Variants in GUCY2C observed in about 807,000 individuals in gnomAD.
GUCY2C encodes guanylyl cyclase C.
Under a neutral mutation model 131.1 loss-of-function variants are expected in GUCY2C, and 118 were observed. The observed-to-expected ratio is 0.90, with a 90% CI of 0.78 to 1.05. The LOEUF (loss-of-function observed/expected upper bound fraction) is 1.05. Among genes scored for constraint, GUCY2C ranks in the 50% least tolerant of loss-of-function variants. The probability of loss-of-function intolerance (pLI) is 0.00; values close to 1 mark genes in which losing one functional copy is unlikely to be tolerated. For synonymous variants in GUCY2C, 452 were observed against 457.8 expected (o/e 0.99, Z 0.16); for missense variants, 1,161 against 1,304.4 (o/e 0.89, Z 1.69).
intron 1 of GUCY2C, among the ~76,000 whole-genome samples, chr12:14,692,990 G>A (rs1948601107): frequency 6.6e-6 from 1 of 152,150 alleles, no homozygotes; most frequent in Non-Finnish European, 1.5e-5. Flanking sequence ...TGGGGGTAAT[G>A]TCTTCCCTTT....
chr12:14,658,446 G>C (rs1947802130), intron 11 of GUCY2C, among the ~76,000 whole-genome samples: 1 of 152,192 alleles, frequency 6.6e-6, no homozygotes, highest in African/African-American at 2.4e-5. Context: ...GGAGGCCAAG[G>C]TGGGTGGATC....
intron 15 of GUCY2C, among the ~76,000 whole-genome samples, chr12:14,646,379 G>A (rs1947523713): frequency 6.6e-6 from 1 of 152,160 alleles, no homozygotes; most frequent in African/African-American, 2.4e-5. Context: ...AAGGCTGGTT[G>A]GGCTGTGGGT....
At chr12:14,619,633 G>C (rs748885340) in intron 23 of GUCY2C, 2 of 255,688 alleles carry the variant, frequency 7.8e-6, no homozygotes, top group East Asian at 1.8e-4. Context: ...GAGCCCCACT[G>C]CTTGCTTACT....
chr12:14,637,811 T>C (rs1430948928), intron 19 of GUCY2C, among the ~76,000 whole-genome samples: 1 of 152,096 alleles, frequency 6.6e-6, no homozygotes, highest in Non-Finnish European at 1.5e-5. Context: ...AGGACATTGG[T>C]TTAGGCAAAG....
chr12:14,629,034 G>A (rs1325951397), intron 19 of GUCY2C, among the ~76,000 whole-genome samples: 1 of 152,074 alleles, frequency 6.6e-6, no homozygotes, highest in Non-Finnish European at 1.5e-5. Context: ...GTTTTACGTT[G>A]GAGAGAGAAA....
At chr12:14,692,637 C>T (rs11056100) in intron 1 of GUCY2C, among the ~76,000 whole-genome samples, 2 of 152,232 alleles carry the variant, frequency 1.3e-5, no homozygotes, top group South Asian at 4.1e-4. Context: ...CACCTGAGGT[C>T]AGGAGTTCGA....
intron 11 of GUCY2C, among the ~76,000 whole-genome samples, chr12:14,656,977 C>T (rs1019834060): frequency 3.3e-5 from 5 of 152,204 alleles, no homozygotes; most frequent in Admixed American, 1.3e-4. Context: ...CCCCTGCATG[C>T]GCAGTTCACA....
chr12:14,672,763 C>T, intron 9 of GUCY2C, 110 bp downstream of exon 9: 1 of 696,240 alleles, frequency 1.4e-6, no homozygotes, highest in Non-Finnish European at 2.6e-6. Context: ...GAACTGTCTT[C>T]AGATCCTAAA....
chr12:14,663,831 A>G (rs904890597), intron 10 of GUCY2C, among the ~76,000 whole-genome samples: 1 of 152,192 alleles, frequency 6.6e-6, no homozygotes, highest in African/African-American at 2.4e-5. Flanking sequence ...ATAATAGAAG[A>G]AAAACCTGGC....
intron 10 of GUCY2C, among the ~76,000 whole-genome samples, chr12:14,667,337 T>G (rs575308281): frequency 1.3e-5 from 2 of 152,340 alleles, no homozygotes; most frequent in Admixed American, 1.3e-4. Flanking sequence ...AGCTTGAAGA[T>G]GGTTCCAGAA....
intron 10 of GUCY2C, among the ~76,000 whole-genome samples, chr12:14,666,628 G>A (rs146725920): frequency 0.035 from 5,334 of 151,746 alleles, 119 homozygotes; most frequent in Middle Eastern, 0.099. Flanking sequence ...CCAGCTACTC[G>A]GGAGGCTGAG....
Position 14,687,960 on chromosome 12 carries a change from C to T in GUCY2C, c.321G>A (p.Arg107=), listed in dbSNP as rs1377115176. ...SSTCEGLDLL[R]KISNAQRMGC... ...AAAAGCAAATACTTACTGAAATTTTCCTGAGTAGGTCGAGGCCTTCACAGG... is the reference window on the plus strand; with the variant it reads ...AAAAGCAAATACTTACTGAAATTTTTCTGAGTAGGTCGAGGCCTTCACAGG... The change falls in exon 2 of 27, where the codon AGG becomes AGA. Residue 107 remains arginine (R), a synonymous_variant. Coordinates refer to ENST00000261170, the MANE Select transcript of GUCY2C (RefSeq NM_004963.4). 1 of 1,599,932 alleles carries T rather than the reference C, an allele frequency of 6.3e-7. No homozygotes were observed. The highest frequency in any genetic ancestry group is 8.6e-7 in the Non-Finnish European group (1 of 1,167,064).
chr12:14,660,898 T>C (rs1947853666), intron 11 of GUCY2C, 83 bp downstream of exon 11: 1 of 851,660 alleles, frequency 1.2e-6, no homozygotes, highest in African/African-American at 1.7e-5. Context: ...ATATTCATCA[T>C]CATCAACAGA....
intron 1 of GUCY2C, among the ~76,000 whole-genome samples, chr12:14,691,101 G>A (rs1948566975): frequency 6.6e-6 from 1 of 152,200 alleles, no homozygotes; most frequent in South Asian, 2.1e-4. Context: ...GTAGAGACTT[G>A]TTCTTTCAAA....
intron 10 of GUCY2C, among the ~76,000 whole-genome samples, chr12:14,661,863 T>C (rs1565624530): frequency 1.3e-5 from 2 of 152,232 alleles, no homozygotes; most frequent in East Asian, 1.9e-4. Flanking sequence ...CAATGAAGAA[T>C]GGGATTTTAT....
intron 24 of GUCY2C, among the ~76,000 whole-genome samples, chr12:14,617,764 A>T (rs1315419142): frequency 6.6e-6 from 1 of 152,226 alleles, no homozygotes; most frequent in Admixed American, 6.5e-5. Flanking sequence ...CTAAACGCTT[A>T]ACATGACATC....
rs1948565727 is a variant in GUCY2C at position 14,691,018 on chromosome 12, TA to T, written c.218-2956del. Among the ~76,000 whole-genome samples, 4 of 152,366 alleles carry T rather than the reference TA, an allele frequency of 2.6e-5. No individual in the cohort carries two copies. In the South Asian group the frequency reaches 6.2e-4, roughly 24 times the overall value. On this transcript the variant is annotated intron_variant, in intron 1 of 26. Transcript: ENST00000261170. ...GTTTGTAAAATGGGATAATTTTTAATAGCACCTTTAAAAGAGCAAAGCATGT... is the reference window on the plus strand; with the variant it reads ...GTTTGTAAAATGGGATAATTTTTAATGCACCTTTAAAAGAGCAAAGCATGT...
At chr12:14,627,896 C>T (rs1265507741) in intron 20 of GUCY2C, among the ~76,000 whole-genome samples, 1 of 152,198 alleles carries the variant, frequency 6.6e-6, no homozygotes, top group Non-Finnish European at 1.5e-5. Flanking sequence ...CAGCTCTAGA[C>T]TTTTAGTCTC....
chr12:14,616,311 A>T (rs776412779), intron 25 of GUCY2C, among the ~76,000 whole-genome samples: 14 of 152,154 alleles, frequency 9.2e-5, no homozygotes, highest in Non-Finnish European at 1.3e-4. Context: ...GTGGGGGGAC[A>T]AGGGTTTTGA....
Sources: gnomAD v4.1 joint callset for allele counts (sites outside exome capture counted in the v4.1 genomes callset) on GRCh38, gnomAD v4.1.1 for gene constraint, MANE v1.5 for transcripts, NCBI Gene and HGNC (gene_info 2026-07-23, HGNC 2026-07-21) for gene names.